The following NSD1 variants were observed in gnomAD, a reference collection of about 807,000 sequenced individuals.
NSD1 encodes the protein histone-lysine N-methyltransferase, H3 lysine-36 specific.
In NSD1, 26 loss-of-function variants were observed where a neutral mutation model predicts 242.7. The ratio of observed to expected loss-of-function variants is 0.11; its 90% CI spans 0.08 to 0.15. The LOEUF (loss-of-function observed/expected upper bound fraction) is 0.15, where lower values mean the gene tolerates loss of function less well. Among genes scored for constraint, NSD1 ranks in the 10% least tolerant of loss-of-function variants. NSD1 has a pLI of 1.00. For missense variants in NSD1, 2,495 were observed against 3,272.8 expected (o/e 0.76, Z 5.80); for synonymous variants, 1,106 against 1,178.1 (o/e 0.94, Z 1.25).
At chr5:177,226,519 G>A (rs6890580) in intron 5 of NSD1, among the ~76,000 whole-genome samples, 54,696 of 152,014 alleles carry the variant, frequency 0.36, 13,125 homozygotes, top group African/African-American at 0.68. Context: ...GGTTCTTGCT[G>A]TTTTGCCCAA....
chr5:177,237,812 C>A (rs921789383), intron 6 of NSD1, among the ~76,000 whole-genome samples: 2 of 152,040 alleles, frequency 1.3e-5, no homozygotes, highest in Non-Finnish European at 2.9e-5. Flanking sequence ...GAATTACAGG[C>A]GTGAGCCACC....
chr5:177,220,974 G>T, intron 5 of NSD1: 1 of 450,098 alleles, frequency 2.2e-6, no homozygotes, highest in Non-Finnish European at 4.5e-6. Context: ...AGCGATTCTT[G>T]TGCCTCAGCC....
chr5:177,199,748 T>A (rs893105826), intron 3 of NSD1, among the ~76,000 whole-genome samples: 8 of 151,820 alleles, frequency 5.3e-5, no homozygotes, highest in Non-Finnish European at 1.2e-4. Context: ...TACAGGCACC[T>A]GCCACCACGC....
At chr5:177,205,090 G>T (rs1762780201) in intron 4 of NSD1, among the ~76,000 whole-genome samples, 1 of 152,068 alleles carries the variant, frequency 6.6e-6, no homozygotes, top group Admixed American at 6.6e-5. Flanking sequence ...AGGCTGAAGT[G>T]CAGTGGCACA....
chr5:177,184,535 T>G (rs1358309992), intron 2 of NSD1, among the ~76,000 whole-genome samples: 1 of 152,182 alleles, frequency 6.6e-6, no homozygotes, highest in Admixed American at 6.6e-5. Flanking sequence ...TTTTGGGTTT[T>G]TTTTTCTCTT....
intron 9 of NSD1, among the ~76,000 whole-genome samples, chr5:177,245,632 CTTTTTTT>C (rs540362237): frequency 4.5e-5 from 6 of 134,656 alleles, no homozygotes; most frequent in Admixed American, 7.5e-5. Context: ...GAATTTCTTT[CTTTTTTT>C]TTTTTTTTTG....
chr5:177,151,635 C>G (rs1014890613), intron 2 of NSD1, among the ~76,000 whole-genome samples: 1 of 150,982 alleles, frequency 6.6e-6, no homozygotes, highest in Non-Finnish European at 1.5e-5. Context: ...GTGATCTGCC[C>G]GCCTCGGCTT....
At chr5:177,245,144 C>T (rs1291901340) in intron 9 of NSD1, among the ~76,000 whole-genome samples, 4 of 152,108 alleles carry the variant, frequency 2.6e-5, no homozygotes, top group African/African-American at 7.2e-5. Context: ...GTTCAAGGAA[C>T]GATCCCTTGA....
chr5:177,175,691 A>G (rs1045156446), intron 2 of NSD1, among the ~76,000 whole-genome samples: 2 of 152,174 alleles, frequency 1.3e-5, no homozygotes, highest in Non-Finnish European at 2.9e-5. Context: ...AAATAATATT[A>G]TAGCCTTGAG....
At chr5:177,248,062 G>C in intron 10 of NSD1, 119 bp from the exon 11 acceptor site, 1 of 1,544,802 alleles carries the variant, frequency 6.5e-7, no homozygotes, top group East Asian at 2.4e-5. Flanking sequence ...GTCCGCCCGA[G>C]TGATTGGCTG....
intron 2 of NSD1, among the ~76,000 whole-genome samples, chr5:177,185,802 TATATAA>T (rs1279040008): frequency 1.1e-5 from 1 of 87,952 alleles, no homozygotes; most frequent in Non-Finnish European, 1.9e-5. Flanking sequence ...TATATATATA[TATATAA>T]ATTTATATAT....
chr5:177,200,883 T>G, intron 3 of NSD1, among the ~76,000 whole-genome samples: 1 of 151,988 alleles, frequency 6.6e-6, no homozygotes, highest in East Asian at 1.9e-4. Flanking sequence ...CATTGTATAG[T>G]ATCTGGTGTT....
rs1220419165 is a variant in NSD1, at chr5:177,210,279, G to A, written c.1880G>A (p.Gly627Asp). 9 of 1,609,434 alleles carry A rather than the reference G, an allele frequency of 5.6e-6. No homozygotes were observed. The highest frequency in any genetic ancestry group is 7.6e-6 in the Non-Finnish European group (9 of 1,177,310). The change falls in exon 5 of 23, where the codon GGT (glycine) becomes GAT (aspartate). Residue 627 changes from glycine to aspartate, a missense_variant. Coordinates refer to ENST00000439151, the MANE Select transcript of NSD1 (RefSeq NM_022455.5). ...SKVKLCYIGA[G>D]DEEKRSDSIS... Reference sequence around the variant, plus strand: ...GTGAAGCTCTGCTATATTGGAGCAGGTGATGAGGAAAAGCGAAGTGATTCC... The same window carrying A: ...GTGAAGCTCTGCTATATTGGAGCAGATGATGAGGAAAAGCGAAGTGATTCC...
At chr5:177,219,455 G>A (rs1169039960) in intron 5 of NSD1, among the ~76,000 whole-genome samples, 1 of 152,100 alleles carries the variant, frequency 6.6e-6, no homozygotes, top group African/African-American at 2.4e-5. Flanking sequence ...AAAGTGCTGG[G>A]ATTACAGGCG....
chr5:177,231,285 A>G (rs1299114320), intron 5 of NSD1, among the ~76,000 whole-genome samples: 1 of 151,770 alleles, frequency 6.6e-6, no homozygotes. Flanking sequence ...AGGTCTCGCC[A>G]TGTTCCCCAG....
intron 22 of NSD1, among the ~76,000 whole-genome samples, chr5:177,293,138 C>T (rs952809945): frequency 2.6e-5 from 4 of 152,200 alleles, no homozygotes; most frequent in South Asian, 4.1e-4. Flanking sequence ...ATGATAGAAC[C>T]AATCTTGCCT....
chr5:177,157,383 T>C (rs1054270827), intron 2 of NSD1, among the ~76,000 whole-genome samples: 2 of 149,478 alleles, frequency 1.3e-5, no homozygotes, highest in Admixed American at 6.6e-5. Context: ...AAAAAAAATA[T>C]ATAATTCACA....
intron 9 of NSD1, 126 bp downstream of exon 9, chr5:177,244,396 C>A: frequency 1.4e-6 from 1 of 713,704 alleles, no homozygotes; most frequent in Non-Finnish European, 2.5e-6. Context: ...AACTGGTTTG[C>A]CCAAAATCTG....
chr5:177,264,755 A>C, intron 14 of NSD1: 15 of 729,972 alleles, frequency 2.1e-5, no homozygotes, highest in South Asian at 2.0e-4. Context: ...ATCTTCCTGT[A>C]ATTCGCCAAA....
Sources: gnomAD v4.1 joint callset for allele counts (sites outside exome capture counted in the v4.1 genomes callset) on GRCh38, gnomAD v4.1.1 for gene constraint, MANE v1.5 for transcripts, NCBI Gene and HGNC (gene_info 2026-07-23, HGNC 2026-07-21) for gene names.